The following TBC1D1 variants were observed in gnomAD, a reference collection of about 807,000 sequenced individuals.
TBC1D1 encodes the protein TBC1 domain family member 1.
In TBC1D1, 89 loss-of-function variants were observed where a neutral mutation model predicts 125.6. That is an observed-to-expected ratio of 0.71 (90% confidence interval 0.60 to 0.85). The LOEUF (loss-of-function observed/expected upper bound fraction) is 0.85, where lower values mean the gene tolerates loss of function less well. Ranked by LOEUF, TBC1D1 falls within the 40% of genes least tolerant of loss-of-function variation. The pLI, the probability that TBC1D1 is intolerant of heterozygous loss-of-function variation, is 0.00. For missense variants in TBC1D1, 1,377 were observed against 1,469.2 expected (o/e 0.94, Z 1.03); for synonymous variants, 565 against 564.1 (o/e 1.00, Z -0.02).
At chr4:38,057,212 T>A (rs946453927) in intron 12 of TBC1D1, among the ~76,000 whole-genome samples, 1 of 152,180 alleles carries the variant, frequency 6.6e-6, no homozygotes, top group Non-Finnish European at 1.5e-5. Flanking sequence ...AGGTTCCCAC[T>A]AGCCCCTCTG....
At chr4:38,044,861 A>G (rs989970756) in intron 9 of TBC1D1, among the ~76,000 whole-genome samples, 20 of 152,230 alleles carry the variant, frequency 1.3e-4, no homozygotes, top group South Asian at 2.1e-4. Flanking sequence ...GGTGTTAGCT[A>G]TCTAAAAGGC....
intron 15 of TBC1D1, among the ~76,000 whole-genome samples, chr4:38,114,906 T>C (rs1031584792): frequency 2.6e-5 from 4 of 152,088 alleles, no homozygotes; most frequent in Non-Finnish European, 5.9e-5. Context: ...TATGAAGCAT[T>C]TGCAGGCATA....
At chr4:37,923,976 G>A (rs535484582) in intron 2 of TBC1D1, among the ~76,000 whole-genome samples, 98 of 152,216 alleles carry the variant, frequency 6.4e-4, no homozygotes, top group African/African-American at 2.1e-3. Flanking sequence ...CAATGCACCC[G>A]GCATAGTCAC....
At chr4:38,105,310 T>C (rs1231808583) in intron 15 of TBC1D1, among the ~76,000 whole-genome samples, 2 of 152,224 alleles carry the variant, frequency 1.3e-5, no homozygotes, top group Admixed American at 6.5e-5. Context: ...CCTTACAACA[T>C]GATCAGGTAG....
At chr4:38,088,269 A>G (rs1384749490) in intron 12 of TBC1D1, among the ~76,000 whole-genome samples, 1 of 152,218 alleles carries the variant, frequency 6.6e-6, no homozygotes, top group South Asian at 2.1e-4. Flanking sequence ...TCCTAAGTAT[A>G]CAGGGTTTGG....
At position 38,137,228 on chromosome 4, in the gene TBC1D1, C is replaced by T. The variant is rs773876434; in HGVS notation, c.3400C>T (p.Leu1134=). ...GAAGCAGGCCATGCTTACCTTAGAA[C>T]TGGAGCGGTCGGCCCTGCTGCAGAC... The change falls in exon 20 of 20, where the codon CTG becomes TTG. Residue 1134 remains leucine (L), a synonymous_variant. Coordinates refer to ENST00000261439, the MANE Select transcript of TBC1D1 (RefSeq NM_015173.4). The T allele has an allele frequency of 1.2e-5, 19 of 1,612,462 alleles. No individual in the cohort carries two copies. In the Admixed American group the frequency reaches 3.0e-4, roughly 25 times the overall value.
At chr4:37,990,922 C>T (rs1357070422) in intron 2 of TBC1D1, among the ~76,000 whole-genome samples, 2 of 152,090 alleles carry the variant, frequency 1.3e-5, no homozygotes, top group Non-Finnish European at 2.9e-5. Flanking sequence ...TGTGGTGTTT[C>T]CAGACGTTCT....
chr4:37,946,695 T>C (rs545838618), intron 2 of TBC1D1, among the ~76,000 whole-genome samples: 1 of 150,992 alleles, frequency 6.6e-6, no homozygotes, highest in South Asian at 2.1e-4. Flanking sequence ...AGAAGTGGAG[T>C]TGTGGTGGCA....
At chr4:37,956,263 C>T (rs1728916796) in intron 2 of TBC1D1, among the ~76,000 whole-genome samples, 1 of 152,114 alleles carries the variant, frequency 6.6e-6, no homozygotes, top group African/African-American at 2.4e-5. Flanking sequence ...CAAGCGATCA[C>T]CCATCTCAGC....
intron 12 of TBC1D1, chr4:38,055,060 C>T (rs928359312): frequency 1.3e-5 from 2 of 152,180 alleles, no homozygotes; most frequent in African/African-American, 2.4e-5. Context: ...AGCCCACTCG[C>T]CCAGCTCCCG....
chr4:38,107,172 C>T (rs1429825162), intron 15 of TBC1D1, among the ~76,000 whole-genome samples: 3 of 152,228 alleles, frequency 2.0e-5, no homozygotes, highest in Non-Finnish European at 2.9e-5. Flanking sequence ...GGGTCAGTCT[C>T]CTCTCCCCAC....
intron 2 of TBC1D1, among the ~76,000 whole-genome samples, chr4:37,959,805 T>G (rs576440155): frequency 6.6e-6 from 1 of 152,178 alleles, no homozygotes. Flanking sequence ...TAGTCCAGTA[T>G]TCCTGCCCAA....
chr4:38,027,732 C>A, intron 6 of TBC1D1, 56 bp from the exon 7 acceptor site: 2 of 1,159,188 alleles, frequency 1.7e-6, no homozygotes, highest in South Asian at 2.7e-5. Context: ...GGTTAACTCC[C>A]TATCTCACAA....
chr4:38,018,144 T>A (rs529048162), intron 3 of TBC1D1, among the ~76,000 whole-genome samples: 1 of 152,324 alleles, frequency 6.6e-6, no homozygotes, highest in East Asian at 1.9e-4. Context: ...GGTTCTTTCA[T>A]CTCAAGGAAG....
chr4:37,951,881 C>T (rs986537064), intron 2 of TBC1D1: 7 of 678,906 alleles, frequency 1.0e-5, no homozygotes, highest in Non-Finnish European at 1.9e-5. Flanking sequence ...TATTACAATA[C>T]TGACATGGAG....
At chr4:38,102,901 A>G in intron 14 of TBC1D1, 98 bp from the exon 17 acceptor site, 1 of 1,400,516 alleles carries the variant, frequency 7.1e-7, no homozygotes, top group Non-Finnish European at 9.6e-7. Flanking sequence ...AAAAAGGAAC[A>G]AGAATTTGGA....
intron 17 of TBC1D1, among the ~76,000 whole-genome samples, chr4:38,124,374 C>T (rs1764319129): frequency 1.3e-5 from 2 of 152,282 alleles, no homozygotes; most frequent in Non-Finnish European, 2.9e-5. Flanking sequence ...AAAATATGGC[C>T]AGAACTAGGA....
intron 12 of TBC1D1, among the ~76,000 whole-genome samples, chr4:38,066,002 T>C (rs1372022883): frequency 1.3e-5 from 2 of 152,220 alleles, no homozygotes; most frequent in Non-Finnish European, 2.9e-5. Context: ...GACACAGTTA[T>C]GTCTCCTGCA....
intron 1 of TBC1D1, among the ~76,000 whole-genome samples, chr4:37,897,816 A>G (rs1395596384): frequency 6.6e-6 from 1 of 152,206 alleles, no homozygotes; most frequent in Admixed American, 6.5e-5. Flanking sequence ...CAGGAGTAGA[A>G]GTCGATCCAG....
Sources: allele counts gnomAD v4.1 joint callset (sites outside exome capture counted in the v4.1 genomes callset), GRCh38; gene constraint gnomAD v4.1.1; transcripts MANE v1.5; gene names NCBI Gene and HGNC (gene_info 2026-07-23, HGNC 2026-07-21).